The following RANBP17 variants were observed in gnomAD, a reference collection of about 807,000 sequenced individuals.
RANBP17 encodes the protein RAN binding protein 17, also known as ran-binding protein 17.
A neutral mutation model predicts 141.2 loss-of-function variants in RANBP17; 158 were observed. That is an observed-to-expected ratio of 1.12 (90% CI 0.98 to 1.28). The LOEUF is 1.28. Ranked by LOEUF, RANBP17 falls within the 50% of genes most tolerant of loss-of-function variation. The pLI is 0.00. For missense variants in RANBP17, 1,438 were observed against 1,290.7 expected (o/e 1.11, Z -1.75); for synonymous variants, 430 against 450.0 (o/e 0.96, Z 0.56).
At chr5:171,062,068 G>T (rs1334477811) in intron 14 of RANBP17, among the ~76,000 whole-genome samples, 1 of 151,400 alleles carries the variant, frequency 6.6e-6, no homozygotes, top group Non-Finnish European at 1.5e-5. Context: ...CATGTGAGAT[G>T]GGTTTCCTGA....
rs185558970 is a variant in RANBP17 at position 171,002,981 on chromosome 5, A to G, written c.1710+34604A>G. Among the ~76,000 whole-genome samples the G allele has an allele frequency of 1.3e-3, 202 of 152,288 alleles. 1 individual carries two copies. The highest frequency in any genetic ancestry group is 4.7e-3 in the African/African-American group (197 of 41,558). ...CTGAAGGAGCCAGGGAGCAGAAAGT[A>G]TATGTGTCATGTGTGAGGCAGAAAA... On this transcript the variant is annotated intron_variant, in intron 14 of 27. Coordinates refer to ENST00000523189, the MANE Select transcript of RANBP17 (RefSeq NM_022897.5).
chr5:171,138,593 G>C (rs576019699), intron 14 of RANBP17, among the ~76,000 whole-genome samples: 1 of 150,138 alleles, frequency 6.7e-6, no homozygotes, highest in Admixed American at 6.6e-5. Context: ...CAGGCTTAGA[G>C]AACGAAAGCA....
At chr5:171,120,784 A>T (rs1171796686) in intron 14 of RANBP17, among the ~76,000 whole-genome samples, 1 of 151,842 alleles carries the variant, frequency 6.6e-6, no homozygotes, top group African/African-American at 2.4e-5. Context: ...TTACTTTTTC[A>T]TGTTTGGTGT....
intron 11 of RANBP17, among the ~76,000 whole-genome samples, chr5:170,920,104 TAAAAC>T: frequency 6.6e-6 from 1 of 152,226 alleles, no homozygotes; most frequent in African/African-American, 2.4e-5. Context: ...CCATTGTAAA[TAAAAC>T]TGATGCAAAT....
intron 12 of RANBP17, among the ~76,000 whole-genome samples, chr5:170,943,079 A>G (rs2127478486): frequency 6.6e-6 from 1 of 152,304 alleles, no homozygotes; most frequent in South Asian, 2.1e-4. Flanking sequence ...GGTCAGTGGG[A>G]AAGAATCTGT....
intron 16 of RANBP17, among the ~76,000 whole-genome samples, chr5:171,181,402 G>C (rs1183842166): frequency 6.6e-6 from 1 of 151,752 alleles, no homozygotes; most frequent in Admixed American, 6.6e-5. Context: ...AGTGAGCTGA[G>C]ATCACGCCAC....
chr5:170,890,717 G>A (rs1769524100), intron 3 of RANBP17, among the ~76,000 whole-genome samples: 1 of 152,096 alleles, frequency 6.6e-6, no homozygotes, highest in African/African-American at 2.4e-5. Context: ...TGGTGTATTT[G>A]TTATCTGACT....
At chr5:171,229,585 G>A (rs1764084285) in intron 22 of RANBP17, among the ~76,000 whole-genome samples, 1 of 150,880 alleles carries the variant, frequency 6.6e-6, no homozygotes, top group African/African-American at 2.4e-5. Context: ...AGTAGAGATG[G>A]GGTTTCACCA....
chr5:171,149,567 C>T (rs145726419), intron 14 of RANBP17, among the ~76,000 whole-genome samples: 5 of 152,294 alleles, frequency 3.3e-5, no homozygotes, highest in South Asian at 2.1e-4. Flanking sequence ...GGTAAAGACA[C>T]GCTATGATTG....
At chr5:170,935,885 C>G (rs1253361951) in intron 12 of RANBP17, among the ~76,000 whole-genome samples, 2 of 152,186 alleles carry the variant, frequency 1.3e-5, no homozygotes, top group East Asian at 1.9e-4. Context: ...TATGCCCTGC[C>G]CCTAGAGGTG....
At chr5:170,998,772 T>C (rs1779007728) in intron 14 of RANBP17, among the ~76,000 whole-genome samples, 1 of 152,178 alleles carries the variant, frequency 6.6e-6, no homozygotes. Context: ...ATACAGTTCT[T>C]AGGGCTGTGA....
chr5:171,127,225 A>G (rs1243617368), intron 14 of RANBP17, among the ~76,000 whole-genome samples: 1 of 152,232 alleles, frequency 6.6e-6, no homozygotes, highest in Admixed American at 6.5e-5. Flanking sequence ...GGCAAAAGCC[A>G]TATGAACCTC....
At chr5:171,075,261 A>C (rs918635549) in intron 14 of RANBP17, among the ~76,000 whole-genome samples, 1 of 152,228 alleles carries the variant, frequency 6.6e-6, no homozygotes, top group African/African-American at 2.4e-5. Flanking sequence ...AAACTCAGAG[A>C]AATTATTTTA....
intron 14 of RANBP17, among the ~76,000 whole-genome samples, chr5:170,968,949 AG>A (rs1206670810): frequency 1.3e-5 from 2 of 152,010 alleles, no homozygotes; most frequent in East Asian, 3.9e-4. Context: ...AAACCTAAGC[AG>A]ATATTTAGTA....
At chr5:171,088,431 A>G (rs555632139) in intron 14 of RANBP17, among the ~76,000 whole-genome samples, 13 of 152,090 alleles carry the variant, frequency 8.5e-5, no homozygotes, top group Non-Finnish European at 1.5e-4. Flanking sequence ...GGATGTGACA[A>G]TTATGTGTCT....
chr5:170,926,734 G>A lies in RANBP17; in HGVS notation c.1468+2184G>A, dbSNP rs967328612. Among the ~76,000 whole-genome samples, 7 of 152,108 alleles carry A rather than the reference G, an allele frequency of 4.6e-5. No homozygotes were observed. The East Asian group carries it at 1.4e-3, about 29-fold the overall frequency. On this transcript the variant is annotated intron_variant, in intron 12 of 27. Transcript: ENST00000523189. ...AACTTAAAATGTGTTCTGTTCCAGTGCTATACTCTGTCCTCCCTTTCTTCA... is the reference window on the plus strand; with the variant it reads ...AACTTAAAATGTGTTCTGTTCCAGTACTATACTCTGTCCTCCCTTTCTTCA...
At chr5:171,144,940 A>C (rs1757938937) in intron 14 of RANBP17, among the ~76,000 whole-genome samples, 1 of 152,240 alleles carries the variant, frequency 6.6e-6, no homozygotes, top group South Asian at 2.1e-4. Context: ...GGCTCCAGGC[A>C]TAAAGATATA....
intron 14 of RANBP17, among the ~76,000 whole-genome samples, chr5:170,973,011 C>G (rs1194978748): frequency 6.6e-6 from 1 of 152,122 alleles, no homozygotes; most frequent in Non-Finnish European, 1.5e-5. Context: ...TTTCATTCCA[C>G]TTTATGACAT....
chr5:171,251,787 T>G, intron 24 of RANBP17: 3 of 1,135,874 alleles, frequency 2.6e-6, no homozygotes, highest in Non-Finnish European at 4.0e-6. Flanking sequence ...GCCTCTGTGA[T>G]TGGGTGGAAG....
Sources: gnomAD v4.1 joint callset for allele counts (sites outside exome capture counted in the v4.1 genomes callset) on GRCh38, gnomAD v4.1.1 for gene constraint, MANE v1.5 for transcripts, NCBI Gene and HGNC (gene_info 2026-07-23, HGNC 2026-07-21) for gene names.